The following IL7 variants were observed in gnomAD, a reference collection of about 807,000 sequenced individuals.
The protein encoded by IL7 is interleukin 7, also known as interleukin-7.
In IL7, 3 loss-of-function variants were observed where a neutral mutation model predicts 21.6. That is an observed-to-expected ratio of 0.14 (90% CI 0.06 to 0.36). The LOEUF is 0.36. IL7 is among the 10% of genes least tolerant of loss of function. The pLI is 1.00. For missense variants in IL7, 175 were observed against 200.2 expected, an observed-to-expected ratio of 0.87 and a Z score of 0.76; for synonymous variants, 62 against 68.1, an observed-to-expected ratio of 0.91 and a Z score of 0.44.
intron 2 of IL7, among the ~76,000 whole-genome samples, chr8:78,796,328 A>T (rs73687557): frequency 0.049 from 7,517 of 152,080 alleles, 346 homozygotes; most frequent in African/African-American, 0.12. Context: ...AATAGCACTA[A>T]AATATGAAAT....
chr8:78,713,368 A>T (rs563362132), downstream of IL7, among the ~76,000 whole-genome samples: 5 of 152,196 alleles, frequency 3.3e-5, no homozygotes, highest in South Asian at 1.0e-3. Flanking sequence ...ATTTTGAACA[A>T]CCTCAAGTTA....
chr8:78,718,948 ATTAGC>A (rs764380109), intron 6 of IL7: 3 of 151,684 alleles, frequency 2.0e-5, no homozygotes, highest in Admixed American at 6.6e-5. Context: ...TCTGAAATTT[ATTAGC>A]TTAGTTTAGT....
chr8:78,739,075 G>A (rs1486327433), intron 3 of IL7, among the ~76,000 whole-genome samples: 1 of 152,090 alleles, frequency 6.6e-6, no homozygotes, highest in African/African-American at 2.4e-5. Context: ...ATAAAGGACT[G>A]TAGTCACCTA....
At chr8:78,772,459 T>C (rs1397448687) in intron 2 of IL7, among the ~76,000 whole-genome samples, 2 of 152,158 alleles carry the variant, frequency 1.3e-5, no homozygotes, top group Admixed American at 6.5e-5. Context: ...CCTTCCTTAA[T>C]AGTGTTCAAG....
chr8:78,705,840 C>G (rs1032064246), intron 3 of IL7, among the ~76,000 whole-genome samples: 1 of 151,960 alleles, frequency 6.6e-6, no homozygotes, highest in East Asian at 1.9e-4. Context: ...TGGGGACTTA[C>G]TTAAAGAAGC....
At chr8:78,776,573 T>TGCATCTGCAA (rs1813146127) in intron 2 of IL7, among the ~76,000 whole-genome samples, 1 of 152,100 alleles carries the variant, frequency 6.6e-6, no homozygotes, top group Admixed American at 6.6e-5. Flanking sequence ...TTACAGGTTT[T>TGCATCTGCAA]TATTTGCATC....
At chr8:78,678,514 A>T (rs775049434) in intron 4 of IL7, 2 of 1,465,194 alleles carry the variant, frequency 1.4e-6, no homozygotes, top group Non-Finnish European at 1.9e-6. Flanking sequence ...CTGTAGTCTT[A>T]CCTTCTGTAG....
intron 2 of IL7, among the ~76,000 whole-genome samples, chr8:78,791,790 T>C (rs912656547): frequency 6.6e-6 from 1 of 152,122 alleles, no homozygotes; most frequent in Non-Finnish European, 1.5e-5. Flanking sequence ...TTCTCTACAG[T>C]CTGTCATTAC....
chr8:78,781,216 A>G (rs568627995), intron 2 of IL7, among the ~76,000 whole-genome samples: 3 of 152,154 alleles, frequency 2.0e-5, no homozygotes, highest in Non-Finnish European at 2.9e-5. Flanking sequence ...GGCCATTTAC[A>G]TTTAAGGTTA....
intron 2 of IL7, among the ~76,000 whole-genome samples, chr8:78,742,966 T>A (rs1811844999): frequency 6.6e-6 from 1 of 152,222 alleles, no homozygotes; most frequent in Admixed American, 6.5e-5. Flanking sequence ...CACTTATAAG[T>A]GAGAACATGT....
chr8:78,716,251 T>G (rs1255149209), downstream of IL7, among the ~76,000 whole-genome samples: 1 of 151,358 alleles, frequency 6.6e-6, no homozygotes, highest in South Asian at 2.1e-4. Flanking sequence ...GCCTCCCGAG[T>G]AGCTGGGACT....
chr8:78,729,271 A>G (rs988690410), downstream of IL7, among the ~76,000 whole-genome samples: 1 of 151,986 alleles, frequency 6.6e-6, no homozygotes, highest in Admixed American at 6.6e-5. Context: ...TCTAGGGTAT[A>G]TGCTCCATGA....
At chr8:78,684,341 A>G (rs1809885374) in intron 4 of IL7, among the ~76,000 whole-genome samples, 1 of 152,236 alleles carries the variant, frequency 6.6e-6, no homozygotes, top group Non-Finnish European at 1.5e-5. Context: ...CACATCTTAC[A>G]TGATGGCAGG....
At chr8:78,797,823 T>G (rs1044526121) in intron 2 of IL7, 1 of 304,718 alleles carries the variant, frequency 3.3e-6, no homozygotes, top group South Asian at 8.0e-5. Flanking sequence ...TTACAAGAAA[T>G]TTACTAAAAG....
At chr8:78,752,277 T>C (rs1301953892) in intron 2 of IL7, among the ~76,000 whole-genome samples, 2 of 152,220 alleles carry the variant, frequency 1.3e-5, no homozygotes, top group Non-Finnish European at 2.9e-5. Flanking sequence ...TTCCTTTCCT[T>C]TGGATAACTG....
intron 1 of IL7, among the ~76,000 whole-genome samples, chr8:78,802,641 C>T (rs978335442): frequency 2.0e-5 from 3 of 152,048 alleles, no homozygotes; most frequent in Non-Finnish European, 4.4e-5. Flanking sequence ...CCATGTTGGC[C>T]AGCCTGGTCT....
chr8:78,776,444 A>C (rs546145265), intron 2 of IL7, among the ~76,000 whole-genome samples: 7 of 152,210 alleles, frequency 4.6e-5, no homozygotes, highest in Admixed American at 2.0e-4. Flanking sequence ...TTTTTGGGTA[A>C]CTGAAACCAC....
intron 2 of IL7, chr8:78,761,887 G>A: frequency 1.2e-6 from 2 of 1,611,572 alleles, no homozygotes; most frequent in Non-Finnish European, 1.7e-6. Context: ...CCAGAGGTAT[G>A]TTTTGCCTTC....
rs188549552 is a variant in IL7 at position 78,739,994 on chromosome 8, A to T, written c.228+8T>A. 48 of 1,518,856 alleles carry T rather than the reference A, an allele frequency of 3.2e-5. No homozygotes were observed. The East Asian group carries it at 6.3e-4, about 20-fold the overall frequency. The allele number at this position is 1,518,856 out of a possible 1,614,324, so 94.1% of individuals were successfully genotyped here. A position where few individuals can be genotyped will look rare whatever the true frequency, so the allele number is the denominator to read the frequency against. ...CTTGAATGACAAACTCCAAATAATT[A>T]TCATTACCTTATTAGCATCACAGAT... On this transcript the variant is annotated splice_region_variant and intron_variant, in intron 3 of 5. Coordinates refer to ENST00000263851, the MANE Select transcript of IL7 (RefSeq NM_000880.4).
Sources: gnomAD v4.1 joint callset for allele counts (sites outside exome capture counted in the v4.1 genomes callset) on GRCh38, gnomAD v4.1.1 for gene constraint, MANE v1.5 for transcripts, NCBI Gene and HGNC (gene_info 2026-07-23, HGNC 2026-07-21) for gene names.